The following FAM135B variants were observed in gnomAD, a reference collection of about 807,000 sequenced individuals.
FAM135B encodes family with sequence similarity 135 member B, also known as protein FAM135B.
FAM135B carries 43 observed loss-of-function variants against 127.7 expected under a neutral mutation model. The ratio of observed to expected loss-of-function variants is 0.34; its 90% CI spans 0.26 to 0.43. The LOEUF (loss-of-function observed/expected upper bound fraction) is 0.43, where lower values mean the gene tolerates loss of function less well. FAM135B is among the 20% of genes least tolerant of loss of function. FAM135B has a pLI of 1.00. For synonymous variants in FAM135B, 670 were observed against 665.1 expected (o/e 1.01, Z -0.11); for missense variants, 1,558 against 1,725.6 (o/e 0.90, Z 1.72).
At chr8:138,229,385 G>T (rs1819736843) in intron 7 of FAM135B, among the ~76,000 whole-genome samples, 1 of 152,084 alleles carries the variant, frequency 6.6e-6, no homozygotes, top group South Asian at 2.1e-4. Context: ...AGATGTTAAT[G>T]ATGTCTTGCA....
In FAM135B at chr8:138,132,821, A is replaced by G. The variant is rs750506799; in HGVS notation, c.4016-23T>C. On this transcript the variant is annotated intron_variant, in intron 19 of 19. Coordinates refer to ENST00000395297, the MANE Select transcript of FAM135B (RefSeq NM_015912.4). The surrounding 1 kb of genome is among the most constrained non-coding windows in gnomAD (Gnocchi z 4.5). ...GCCCTGTAAAGTGGGGAAGAAGGAC[A>G]TGAAGCTGGTGCAGAAATTAGCAGT... 18 of 1,607,514 alleles carry G rather than the reference A, an allele frequency of 1.1e-5. No individual in the cohort carries two copies. The highest frequency in any genetic ancestry group is 1.5e-5 in the Non-Finnish European group (18 of 1,174,388).
chr8:138,452,784 A>T (rs1260322987), intron 1 of FAM135B, among the ~76,000 whole-genome samples: 2 of 152,072 alleles, frequency 1.3e-5, no homozygotes, highest in Admixed American at 1.3e-4. Context: ...TGGAGAATCC[A>T]TGCTCAGAAT....
At chr8:138,153,276 T>C (rs1818358857) in intron 12 of FAM135B, 60 bp from the exon 13 acceptor site, 21 of 1,328,530 alleles carry the variant, frequency 1.6e-5, no homozygotes, top group Non-Finnish European at 2.1e-5. Context: ...TTACAAGTTA[T>C]CCAAATGTCT....
At chr8:138,226,182 T>TGTGTGTGTGTGTGTGTGCGCGCGCGC (rs1819421853) in intron 7 of FAM135B, among the ~76,000 whole-genome samples, 1 of 118,406 alleles carries the variant, frequency 8.4e-6, no homozygotes, top group Admixed American at 8.6e-5. Flanking sequence ...TGTGTGTGTG[T>TGTGTGTGTGTGTGTGTGCGCGCGCGC]GTGCGCGCAT....
At chr8:138,445,912 C>A (rs1564008992) in intron 1 of FAM135B, among the ~76,000 whole-genome samples, 1 of 152,218 alleles carries the variant, frequency 6.6e-6, no homozygotes, top group Non-Finnish European at 1.5e-5. Flanking sequence ...ACCCCATCAT[C>A]TCAGCCCAAA....
chr8:138,153,220 CAAA>C lies in FAM135B; in HGVS notation c.1259-7_1259-5del. On this transcript the variant is annotated splice_region_variant and splice_polypyrimidine_tract_variant and intron_variant, in intron 12 of 19. Transcript: ENST00000395297. ...GGATAAACACTCAAGTTATGCCCTA[CAAA>C]AAAAAAAGAAAGAAAATTATATTAT... is the stretch of plus-strand genomic sequence containing the variant. 6.9e-7 allele frequency: 1 copy of C among 1,443,954 alleles called. No individual in the cohort carries two copies. Among genetic ancestry groups the C allele is most frequent in the Non-Finnish European group, 9.3e-7 (1 of 1,074,402 alleles). The allele number at this position is 1,443,954 out of a possible 1,614,324, so 89.4% of individuals were successfully genotyped here. A position where few individuals can be genotyped will look rare whatever the true frequency, so the allele number is the denominator to read the frequency against.
At chr8:138,304,711 A>G (rs774195106) in intron 3 of FAM135B, among the ~76,000 whole-genome samples, 34 of 152,212 alleles carry the variant, frequency 2.2e-4, no homozygotes, top group Admixed American at 1.8e-3. Flanking sequence ...GCCAGCAGGT[A>G]TCATGGCACA....
intron 1 of FAM135B, among the ~76,000 whole-genome samples, chr8:138,392,125 C>CACA: frequency 6.6e-6 from 1 of 152,180 alleles, no homozygotes; most frequent in Non-Finnish European, 1.5e-5. Context: ...ATTCAGATAA[C>CACA]GTCTGGAATG....
intron 7 of FAM135B, among the ~76,000 whole-genome samples, chr8:138,234,132 C>G (rs900170657): frequency 6.6e-6 from 1 of 152,132 alleles, no homozygotes; most frequent in Non-Finnish European, 1.5e-5. Flanking sequence ...ATACTGCTGA[C>G]TTTTGCATTA....
chr8:138,152,913 C>T lies in FAM135B; in HGVS notation c.1562G>A (p.Gly521Asp), dbSNP rs776017404. 3.1e-6 allele frequency: 5 copies of T among 1,614,172 alleles called. No homozygotes were observed. The highest frequency in any genetic ancestry group is 2.2e-5 in the South Asian group (2 of 91,082). Residue 521 changes from glycine (G) to aspartate (D), a missense_variant, in exon 13 of 20, where the codon GGC becomes GAC. Physicochemically the swap from Gly to Asp is moderately conservative, Grantham distance 94. Coordinates refer to ENST00000395297, the MANE Select transcript of FAM135B (RefSeq NM_015912.4). ...AGVPEDECWT[G>D]QTSDAGTYPV... The stretch of plus-strand genomic sequence containing the variant: ...ATATGTCCCAGCATCAGATGTTTGG[C>T]CAGTCCAACATTCATCTTCAGGCAC...
chr8:138,186,419 G>A (rs12681486), intron 9 of FAM135B, among the ~76,000 whole-genome samples: 26,308 of 151,940 alleles, frequency 0.17, 2,376 homozygotes, highest in East Asian at 0.24. Flanking sequence ...GCTTTAAATC[G>A]CCCAAAACAC....
chr8:138,244,083 T>C (rs560045284), intron 6 of FAM135B, among the ~76,000 whole-genome samples: 1 of 152,264 alleles, frequency 6.6e-6, no homozygotes, highest in African/African-American at 2.4e-5. Context: ...GAAAATAAAT[T>C]TAGCATTATA....
intron 2 of FAM135B, among the ~76,000 whole-genome samples, chr8:138,364,001 C>T (rs953390870): frequency 3.3e-5 from 5 of 152,144 alleles, no homozygotes; most frequent in Non-Finnish European, 7.4e-5. Context: ...AATCACACAT[C>T]CTCGCACCCC....
At chr8:138,376,924 T>C (rs1051017567) in intron 1 of FAM135B, among the ~76,000 whole-genome samples, 1 of 152,238 alleles carries the variant, frequency 6.6e-6, no homozygotes, top group Non-Finnish European at 1.5e-5. Context: ...GATGCCTGAG[T>C]AAATGTTTGC....
At chr8:138,182,556 A>C (rs1815159345) in intron 9 of FAM135B, among the ~76,000 whole-genome samples, 1 of 152,220 alleles carries the variant, frequency 6.6e-6, no homozygotes, top group African/African-American at 2.4e-5. Flanking sequence ...CTGGGGAGCC[A>C]AACATAAATG....
At chr8:138,334,325 A>C (rs1828399281) in intron 2 of FAM135B, among the ~76,000 whole-genome samples, 1 of 152,198 alleles carries the variant, frequency 6.6e-6, no homozygotes, top group African/African-American at 2.4e-5. Context: ...GCCTACAGCA[A>C]GTGGCTGTAG....
rs1282863716 is a variant in FAM135B at position 138,497,197 on chromosome 8, C to G, written c.-546G>C. On this transcript the variant is annotated 5_prime_UTR_variant, in exon 1 of 20. Transcript: ENST00000395297. Reference sequence around the variant, plus strand: ...CGCCCTCGCGGCCGGGAGAGCCCGCCCTGCTGCTCCCGCTGGCTCCGCTCC... The same window carrying G: ...CGCCCTCGCGGCCGGGAGAGCCCGCGCTGCTGCTCCCGCTGGCTCCGCTCC... Among the ~76,000 whole-genome samples the G allele has an allele frequency of 6.6e-6, 1 of 151,030 alleles. No individual in the cohort carries two copies. The highest frequency in any genetic ancestry group is 1.5e-5 in the Non-Finnish European group (1 of 67,702).
chr8:138,262,593 T>C (rs1269922409), intron 4 of FAM135B, among the ~76,000 whole-genome samples: 1 of 151,898 alleles, frequency 6.6e-6, no homozygotes, highest in Non-Finnish European at 1.5e-5. Context: ...ACAAAGTGTG[T>C]GGAAGATTTA....
At chr8:138,172,839 G>C (rs375616874) in intron 11 of FAM135B, among the ~76,000 whole-genome samples, 1 of 152,140 alleles carries the variant, frequency 6.6e-6, no homozygotes. Flanking sequence ...TCTGAACTCT[G>C]CCTTTGCCTT....
Sources: allele counts gnomAD v4.1 joint callset (sites outside exome capture counted in the v4.1 genomes callset), GRCh38; gene constraint gnomAD v4.1.1; non-coding constraint Gnocchi (gnomAD v3.1); transcripts MANE v1.5; gene names NCBI Gene and HGNC (gene_info 2026-07-23, HGNC 2026-07-21).